Variants in EHF observed in about 807,000 individuals in gnomAD.
The protein encoded by EHF is ESE3 transcription factor.
EHF carries 14 observed loss-of-function variants against 45.1 expected under a neutral mutation model. The ratio of observed to expected loss-of-function variants is 0.31; its 90% CI spans 0.21 to 0.49. The LOEUF is 0.49. EHF is among the 20% of genes least tolerant of loss of function. The probability of loss-of-function intolerance (pLI) is 0.99; values close to 1 mark genes in which losing one functional copy is unlikely to be tolerated. For synonymous variants in EHF, 136 were observed against 131.8 expected, an observed-to-expected ratio of 1.03 and a Z score of -0.22; for missense variants, 282 against 371.4, an observed-to-expected ratio of 0.76 and a Z score of 1.98.
intron 1 of EHF, among the ~76,000 whole-genome samples, chr11:34,628,407 T>C (rs1465819948): frequency 1.3e-5 from 2 of 152,236 alleles, no homozygotes; most frequent in Non-Finnish European, 2.9e-5. Context: ...AGAAGAGGCC[T>C]GTAGGCCTCA....
At chr11:34,651,899 T>A in intron 6 of EHF, 94 bp downstream of exon 6, 1 of 1,247,216 alleles carries the variant, frequency 8.0e-7, no homozygotes, top group South Asian at 1.4e-5. Flanking sequence ...CTTTCTGGAG[T>A]CTTTCTAATT....
chr11:34,629,152 G>A (rs7483761), intron 1 of EHF, among the ~76,000 whole-genome samples: 4,990 of 152,210 alleles, frequency 0.033, 148 homozygotes, highest in Admixed American at 0.086. Flanking sequence ...GGAGGATGTC[G>A]TTTTTGAGTT....
Position 34,646,348 on chromosome 11 carries a change from G to GAT in EHF, c.98-88_98-87dup, listed in dbSNP as rs142254432. The GAT allele has an allele frequency of 1.6e-3, 2,450 of 1,573,142 alleles. 28 individuals are homozygous for GAT. The African/African-American group carries it at 0.027, about 17-fold the overall frequency. ...ACACGGACTGTGGTTGTGTCTCTGA[G>GAT]ATATCTGGCAGCCAACAGTACATCC... On this transcript the variant is annotated intron_variant, in intron 2 of 8. Transcript: ENST00000257831.
Position 34,623,714 on chromosome 11 carries a change from T to C in EHF, c.-4+2486T>C, listed in dbSNP as rs148628968. Among the ~76,000 whole-genome samples, 163 of 152,326 alleles carry C rather than the reference T, an allele frequency of 1.1e-3. 1 individual carries two copies. The highest frequency in any genetic ancestry group is 3.7e-3 in the African/African-American group (154 of 41,568). The stretch of plus-strand genomic sequence containing the variant: ...TGGCCAAAGTTCACTTCTGAGGAAG[T>C]AGAATTTCGCTTTCTGGAATCTTGC... On this transcript the variant is annotated intron_variant, in intron 1 of 8. Coordinates refer to ENST00000257831, the MANE Select transcript of EHF (RefSeq NM_012153.6).
intron 6 of EHF, 114 bp from the exon 7 acceptor site, chr11:34,656,794 G>A (rs1327948000): frequency 3.4e-5 from 40 of 1,171,214 alleles, no homozygotes; most frequent in Non-Finnish European, 2.8e-5. Context: ...ATACTCAAAG[G>A]TGCCAGGCAT....
intron 1 of EHF, among the ~76,000 whole-genome samples, chr11:34,634,094 A>C (rs1051262375): frequency 6.6e-6 from 1 of 152,236 alleles, no homozygotes; most frequent in South Asian, 2.1e-4. Context: ...CAAGAGAATC[A>C]AATACATTCC....
rs144512744 is a variant in EHF at position 34,662,837 on chromosome 11, C to T, written c.*3906C>T. On this transcript the variant is annotated 3_prime_UTR_variant, in exon 9 of 9. Coordinates refer to ENST00000257831, the MANE Select transcript of EHF (RefSeq NM_012153.6). ...AGGAAGCAATAGATCTCGGTAGTTA[C>T]GTATTGGGCAGATACTTACTGTATG... Among the ~76,000 whole-genome samples the T allele has an allele frequency of 3.9e-5, 6 of 152,040 alleles. No homozygotes were observed. The East Asian group carries it at 5.8e-4, about 15-fold the overall frequency.
At position 34,656,900 on chromosome 11, in the gene EHF, C is replaced by T. The variant is rs575745341; in HGVS notation, c.545-8C>T. ...GGTCAATTAAACGCCTCTCATTTTT[C>T]TCCTTAGCAGAGTCACCTGATATGA... is the stretch of plus-strand genomic sequence containing the variant. On this transcript the variant is annotated splice_polypyrimidine_tract_variant and splice_region_variant and intron_variant, in intron 6 of 8. Transcript: ENST00000257831. The T allele has an allele frequency of 1.9e-6, 3 of 1,612,872 alleles. No homozygotes were observed. In the South Asian group the frequency reaches 3.3e-5, roughly 18 times the overall value.
chr11:34,635,450 C>CTTTTT (rs56121359), intron 1 of EHF, among the ~76,000 whole-genome samples: 40,741 of 112,788 alleles, frequency 0.36, 9,552 homozygotes, highest in Non-Finnish European at 0.53. Flanking sequence ...AAACCTTATT[C>CTTTTT]TTTTTTTTTT....
At chr11:34,642,595 A>G (rs1236201875) in intron 1 of EHF, 33 bp from the exon 2 acceptor site, 1 of 1,343,008 alleles carries the variant, frequency 7.4e-7, no homozygotes, top group Non-Finnish European at 1.1e-6. Flanking sequence ...TCCAAGAGGC[A>G]CTGACTGAAC....
At chr11:34,639,914 C>G (rs1406371122) in intron 1 of EHF, among the ~76,000 whole-genome samples, 1 of 152,094 alleles carries the variant, frequency 6.6e-6, no homozygotes, top group Non-Finnish European at 1.5e-5. Flanking sequence ...CTGGATGTTT[C>G]CAGAAGGTCA....
chr11:34,634,369 G>A (rs1185783732), intron 1 of EHF, among the ~76,000 whole-genome samples: 5 of 152,206 alleles, frequency 3.3e-5, no homozygotes, highest in African/African-American at 1.2e-4. Flanking sequence ...TTATTTAAAA[G>A]GACTAATTGC....
At chr11:34,634,296 C>T (rs1040163450) in intron 1 of EHF, among the ~76,000 whole-genome samples, 1 of 152,116 alleles carries the variant, frequency 6.6e-6, no homozygotes, top group Admixed American at 6.5e-5. Flanking sequence ...TGTGAATTCA[C>T]CTGCTGGTAA....
At chr11:34,648,974 G>T in intron 3 of EHF, 45 bp from the exon 4 acceptor site, 1 of 1,582,092 alleles carries the variant, frequency 6.3e-7, no homozygotes, top group East Asian at 2.2e-5. Context: ...TCCAGTTCTG[G>T]CTCCATCTGG....
At position 34,650,298 on chromosome 11, in the gene EHF, A is replaced by C. The variant is rs185311315; in HGVS notation, c.406+1217A>C. Among the ~76,000 whole-genome samples, 587 of 152,288 alleles carry C rather than the reference A, an allele frequency of 3.9e-3. 2 individuals are homozygous for C. The highest frequency in any genetic ancestry group is 0.014 in the Middle Eastern group (4 of 294). ...GTCCACCCTAGGAGGAGGGGAGAAG[A>C]AGCTCATAGAGGGGCCAACACCCCC... On this transcript the variant is annotated intron_variant, in intron 4 of 8. Transcript: ENST00000257831.
intron 1 of EHF, among the ~76,000 whole-genome samples, chr11:34,627,944 A>G (rs1362154944): frequency 6.6e-6 from 1 of 152,242 alleles, no homozygotes; most frequent in Non-Finnish European, 1.5e-5. Context: ...GATCTGCACT[A>G]GGTAGATATT....
intron 1 of EHF, among the ~76,000 whole-genome samples, chr11:34,640,088 T>G (rs2134084460): frequency 6.6e-6 from 1 of 151,984 alleles, no homozygotes; most frequent in African/African-American, 2.4e-5. Flanking sequence ...CTTACAGCCC[T>G]TTGAGTTTGG....
chr11:34,638,121 C>T (rs1267208015), intron 1 of EHF, among the ~76,000 whole-genome samples: 3 of 152,130 alleles, frequency 2.0e-5, no homozygotes, highest in Non-Finnish European at 2.9e-5. Context: ...AGGCTGGTCT[C>T]GAACTCCTGA....
At chr11:34,624,400 T>C (rs1852192889) in intron 1 of EHF, 1 of 758,532 alleles carries the variant, frequency 1.3e-6, no homozygotes, top group African/African-American at 1.9e-5. Context: ...CTCTTAAATC[T>C]CTTGCTCTAT....
Sources: allele counts gnomAD v4.1 joint callset (sites outside exome capture counted in the v4.1 genomes callset), GRCh38; gene constraint gnomAD v4.1.1; transcripts MANE v1.5; gene names NCBI Gene and HGNC (gene_info 2026-07-23, HGNC 2026-07-21).